The following CFAP299 variants were observed in gnomAD, a reference collection of about 807,000 sequenced individuals.
CFAP299 encodes cilia- and flagella-associated protein 299.
CFAP299 carries 21 observed loss-of-function variants against 27.0 expected under a neutral mutation model. The observed-to-expected ratio is 0.78, with a 90% CI of 0.55 to 1.12. The LOEUF (loss-of-function observed/expected upper bound fraction) is 1.12, where lower values mean the gene tolerates loss of function less well. CFAP299 is among the 50% of genes most tolerant of loss of function. The pLI, the probability that CFAP299 is intolerant of heterozygous loss-of-function variation, is 0.00. For synonymous variants in CFAP299, 104 were observed against 98.1 expected, an observed-to-expected ratio of 1.06 and a Z score of -0.36; for missense variants, 310 against 276.6, an observed-to-expected ratio of 1.12 and a Z score of -0.86.
At chr4:80,884,688 T>C (rs1578211374) in intron 4 of CFAP299, among the ~76,000 whole-genome samples, 1 of 139,496 alleles carries the variant, frequency 7.2e-6, no homozygotes, top group Non-Finnish European at 1.6e-5. Context: ...GCAACGAAAC[T>C]AAGAGCTAAT....
chr4:80,926,861 A>G (rs748653654), intron 4 of CFAP299, among the ~76,000 whole-genome samples: 7 of 152,092 alleles, frequency 4.6e-5, no homozygotes, highest in Non-Finnish European at 8.8e-5. Context: ...TATTATTTGA[A>G]TTAAGAAGAC....
rs77957370 is a variant in CFAP299 at position 80,608,442 on chromosome 4, C to T, written c.333+25259C>T. On this transcript the variant is annotated intron_variant, in intron 3 of 5. Transcript: ENST00000358105. ...AGTTAGAAAAACATTTTGGCTTCATCCTACATATATACTCCACTCCAAGGG... is the reference window on the plus strand; with the variant it reads ...AGTTAGAAAAACATTTTGGCTTCATTCTACATATATACTCCACTCCAAGGG... 1.6e-3 allele frequency: 1,689 copies of T among 1,059,402 alleles called. 27 individuals carry two copies. In the African/African-American group the frequency reaches 0.024, roughly 15 times the overall value. 65.6% of individuals were successfully genotyped at this position (1,059,402 alleles called of 1,614,324 possible).
At chr4:80,471,520 G>T (rs1729991188) in intron 2 of CFAP299, among the ~76,000 whole-genome samples, 1 of 144,196 alleles carries the variant, frequency 6.9e-6, no homozygotes, top group Admixed American at 7.0e-5. Context: ...CAGCAAATGA[G>T]GTGGTAATAA....
intron 5 of CFAP299, among the ~76,000 whole-genome samples, chr4:80,955,469 G>C (rs1164077386): frequency 6.6e-6 from 1 of 152,176 alleles, no homozygotes; most frequent in East Asian, 1.9e-4. Context: ...TTGCTTCCTA[G>C]TAGTGTATTA....
chr4:80,585,785 T>C (rs1380374644), intron 3 of CFAP299, among the ~76,000 whole-genome samples: 2 of 152,098 alleles, frequency 1.3e-5, no homozygotes, highest in Admixed American at 6.6e-5. Context: ...GAGAGGCCAT[T>C]GTAACAGTTC....
At chr4:80,549,087 A>G (rs1734379313) in intron 2 of CFAP299, among the ~76,000 whole-genome samples, 1 of 152,086 alleles carries the variant, frequency 6.6e-6, no homozygotes, top group Non-Finnish European at 1.5e-5. Context: ...TGTCTAGCAA[A>G]ATCTATTAAG....
the CFAP299 span, among the ~76,000 whole-genome samples, chr4:80,325,150 A>G: frequency 6.6e-6 from 1 of 152,234 alleles, no homozygotes; most frequent in Admixed American, 6.5e-5. Context: ...AGAAAAATAA[A>G]AACATTAATG....
intron 3 of CFAP299, among the ~76,000 whole-genome samples, chr4:80,706,607 C>T (rs896383321): frequency 6.6e-6 from 1 of 151,794 alleles, no homozygotes; most frequent in African/African-American, 2.4e-5. Flanking sequence ...TAAACTGCTT[C>T]CTACTGAGAG....
At position 80,647,556 on chromosome 4, in the gene CFAP299, C is replaced by G. The variant is rs952204763; in HGVS notation, c.333+64373C>G. 2.6e-5 allele frequency among the ~76,000 whole-genome samples: 4 copies of G among 152,046 alleles called. No homozygotes were observed. In the South Asian group the frequency reaches 8.3e-4, roughly 32 times the overall value. Reference sequence around the variant, plus strand: ...ATGACCCATTTTCTCTGAAACCCACCGACTGTGCCCACACTTGAATAAATG... The same window carrying G: ...ATGACCCATTTTCTCTGAAACCCACGGACTGTGCCCACACTTGAATAAATG... On this transcript the variant is annotated intron_variant, in intron 3 of 5. Coordinates refer to ENST00000358105, the MANE Select transcript of CFAP299 (RefSeq NM_152770.3).
intron 5 of CFAP299, among the ~76,000 whole-genome samples, chr4:80,957,461 T>C (rs1418667262): frequency 6.6e-6 from 1 of 152,182 alleles, no homozygotes; most frequent in East Asian, 1.9e-4. Context: ...AGAGTGAATA[T>C]ATGGCAAAGA....
chr4:80,633,302 C>T (rs184725007), intron 3 of CFAP299, among the ~76,000 whole-genome samples: 44 of 152,016 alleles, frequency 2.9e-4, no homozygotes, highest in African/African-American at 9.9e-4. Context: ...CAAAATTAGC[C>T]GGGCATGGTG....
At chr4:80,641,563 G>C (rs1379294928) in intron 3 of CFAP299, among the ~76,000 whole-genome samples, 4 of 152,080 alleles carry the variant, frequency 2.6e-5, no homozygotes, top group African/African-American at 7.2e-5. Flanking sequence ...CCTACATTTT[G>C]CCCTATTTAT....
chr4:80,767,161 T>TAC (rs1725917806), intron 3 of CFAP299, among the ~76,000 whole-genome samples: 1 of 152,082 alleles, frequency 6.6e-6, no homozygotes, highest in African/African-American at 2.4e-5. Context: ...ATGTACAATA[T>TAC]ACAATATACA....
At chr4:80,877,515 G>A (rs1361611022) in intron 4 of CFAP299, among the ~76,000 whole-genome samples, 2 of 152,146 alleles carry the variant, frequency 1.3e-5, no homozygotes, top group African/African-American at 2.4e-5. Flanking sequence ...AGTTTCTTTA[G>A]TTGTCTAGAA....
At chr4:80,388,768 A>G (rs549010084) in intron 2 of CFAP299, 24 of 503,270 alleles carry the variant, frequency 4.8e-5, no homozygotes, top group African/African-American at 4.6e-4. Context: ...TTGGGGAGGT[A>G]GGGTTTCTAT....
chr4:80,675,863 C>A (rs576005549), intron 3 of CFAP299, among the ~76,000 whole-genome samples: 1 of 152,344 alleles, frequency 6.6e-6, no homozygotes, highest in African/African-American at 2.4e-5. Flanking sequence ...AGGATATAAT[C>A]TCTTCATGTG....
chr4:80,447,138 T>TTTTTTTTTTTTTTTGTTTTTTG (rs1728667472), intron 2 of CFAP299, among the ~76,000 whole-genome samples: 2 of 112,006 alleles, frequency 1.8e-5, no homozygotes, highest in Non-Finnish European at 3.4e-5. Flanking sequence ...TTGTTTTTTT[T>TTTTTTTTTTTTTTTGTTTTTTG]TTTTTTTTTT....
At chr4:80,349,398 G>A (rs956116013) in intron 1 of CFAP299, among the ~76,000 whole-genome samples, 6 of 152,124 alleles carry the variant, frequency 3.9e-5, no homozygotes, top group Admixed American at 1.3e-4. Context: ...ATTTCACATG[G>A]AGAATATATT....
chr4:80,867,951 TTA>T (rs1732841766), intron 3 of CFAP299, among the ~76,000 whole-genome samples: 1 of 152,198 alleles, frequency 6.6e-6, no homozygotes, highest in Admixed American at 6.6e-5. Context: ...TTGATTAACT[TTA>T]TATATCCCAC....
Sources: gnomAD v4.1 joint callset for allele counts (sites outside exome capture counted in the v4.1 genomes callset) on GRCh38, gnomAD v4.1.1 for gene constraint, MANE v1.5 for transcripts, NCBI Gene and HGNC (gene_info 2026-07-23, HGNC 2026-07-21) for gene names.